SPAG16: variants seen among roughly 807,000 people sequenced by gnomAD.
SPAG16 encodes sperm-associated antigen 16 protein.
In SPAG16, 86 loss-of-function variants were observed where a neutral mutation model predicts 80.4. The ratio of observed to expected loss-of-function variants is 1.07; its 90% CI spans 0.90 to 1.28. SPAG16 has a LOEUF of 1.28. SPAG16 is among the 50% of genes most tolerant of loss of function. The pLI is 0.00. For missense variants in SPAG16, 870 were observed against 765.3 expected (o/e 1.14, Z -1.61); for synonymous variants, 294 against 265.9 (o/e 1.11, Z -1.03).
At chr2:214,215,482 C>T (rs1231951257) in intron 15 of SPAG16, among the ~76,000 whole-genome samples, 20 of 152,168 alleles carry the variant, frequency 1.3e-4, no homozygotes. Context: ...CTTATGGTCA[C>T]CTCCTTCTCC....
chr2:213,927,748 C>A (rs1028848212), intron 11 of SPAG16, among the ~76,000 whole-genome samples: 2 of 152,014 alleles, frequency 1.3e-5, no homozygotes, highest in African/African-American at 4.8e-5. Flanking sequence ...ACAAAATAAG[C>A]ATATAAAACT....
rs150415012 is a variant in SPAG16 at position 213,981,325 on chromosome 2, GA to G, written c.1401-32620del. Among the ~76,000 whole-genome samples, 954 of 152,146 alleles carry G rather than the reference GA, an allele frequency of 6.3e-3. 7 individuals carry two copies. Among genetic ancestry groups the G allele is most frequent in the African/African-American group, 0.022 (914 of 41,528 alleles). The stretch of plus-strand genomic sequence containing the variant: ...TTCAATTCATAGGACTTCCTATAAG[GA>G]AAAAATATAGTGCTTTGACTTTGGG... On this transcript the variant is annotated intron_variant, in intron 12 of 15. Coordinates refer to ENST00000331683, the MANE Select transcript of SPAG16 (RefSeq NM_024532.5).
At chr2:214,344,013 G>A (rs1912217) in intron 15 of SPAG16, among the ~76,000 whole-genome samples, 74,255 of 151,968 alleles carry the variant, frequency 0.49, 21,527 homozygotes, top group South Asian at 0.65. Flanking sequence ...CCTTAATAAT[G>A]ATGGGTGTCC....
intron 15 of SPAG16, chr2:214,241,440 T>G (rs1171540052): frequency 6.6e-6 from 1 of 152,042 alleles, no homozygotes; most frequent in Admixed American, 6.6e-5. Flanking sequence ...TGTCAGCTAG[T>G]CCAACATCAT....
At chr2:213,703,996 C>G (rs559084867) in intron 10 of SPAG16, among the ~76,000 whole-genome samples, 1 of 152,190 alleles carries the variant, frequency 6.6e-6, no homozygotes, top group Non-Finnish European at 1.5e-5. Context: ...GATCTACCTA[C>G]TTATTGAGAG....
At chr2:213,391,355 A>G (rs1010640703) in intron 9 of SPAG16, among the ~76,000 whole-genome samples, 2 of 152,238 alleles carry the variant, frequency 1.3e-5, no homozygotes, top group African/African-American at 4.8e-5. Flanking sequence ...TAAATTAACT[A>G]TCATAATCAA....
intron 10 of SPAG16, among the ~76,000 whole-genome samples, chr2:213,753,435 A>T (rs1485706108): frequency 6.6e-6 from 1 of 152,260 alleles, no homozygotes; most frequent in Non-Finnish European, 1.5e-5. Context: ...TTATGGTTCT[A>T]TAAGATATTT....
intron 7 of SPAG16, 107 bp from the exon 8 acceptor site, chr2:213,363,967 GAT>G (rs2066137720): frequency 2.6e-6 from 1 of 388,102 alleles, no homozygotes; most frequent in Non-Finnish European, 4.5e-6. Flanking sequence ...ATTTAAAAGA[GAT>G]TAATATTTTT....
chr2:214,258,417 C>T (rs544771315), intron 15 of SPAG16, among the ~76,000 whole-genome samples: 4 of 150,390 alleles, frequency 2.7e-5, no homozygotes, highest in Non-Finnish European at 4.4e-5. Flanking sequence ...GCCATTATTT[C>T]GTTCTTTTTT....
intron 10 of SPAG16, among the ~76,000 whole-genome samples, chr2:213,726,640 G>A (rs2066781529): frequency 1.3e-5 from 2 of 152,190 alleles, no homozygotes; most frequent in Admixed American, 6.5e-5. Flanking sequence ...TCTTGAATTG[G>A]TATTTGGCAT....
At chr2:214,388,154 T>C (rs1434850153) in intron 15 of SPAG16, among the ~76,000 whole-genome samples, 1 of 152,038 alleles carries the variant, frequency 6.6e-6, no homozygotes, top group Non-Finnish European at 1.5e-5. Flanking sequence ...CCAGATCTAC[T>C]GACCTGGAAA....
chr2:213,727,298 T>C (rs2066811856), intron 10 of SPAG16, among the ~76,000 whole-genome samples: 1 of 152,154 alleles, frequency 6.6e-6, no homozygotes, highest in Non-Finnish European at 1.5e-5. Context: ...TGGAGATTAA[T>C]TCTGCAGAAG....
At chr2:213,525,641 G>A (rs2075862062) in intron 10 of SPAG16, among the ~76,000 whole-genome samples, 1 of 152,072 alleles carries the variant, frequency 6.6e-6, no homozygotes, top group South Asian at 2.1e-4. Flanking sequence ...TTTATTAGCA[G>A]TGTGAGAATG....
At position 214,165,469 on chromosome 2, in the gene SPAG16, CTTTTTTTTTTTTTTTTT is replaced by C. The variant is rs67726428; in HGVS notation, c.1720+16224_1720+16240del. ...TTTAAAAATGCTTTGCATCACCATC[CTTTTTTTTTTTTTTTTT>C]TTTTTTTTTTTTTTTTTTTTGCCAA... is the stretch of plus-strand genomic sequence containing the variant. On this transcript the variant is annotated intron_variant, in intron 15 of 15. Transcript: ENST00000331683. Among the ~76,000 whole-genome samples, 119 of 37,850 alleles carry C rather than the reference CTTTTTTTTTTTTTTTTT, an allele frequency of 3.1e-3. 1 individual carries two copies. Among genetic ancestry groups the C allele is most frequent in the African/African-American group, 0.014 (101 of 7,168 alleles). The allele number at this position is 37,850 out of a possible 152,430, so 24.8% of individuals were successfully genotyped here. A position where few individuals can be genotyped will look rare whatever the true frequency, so the allele number is the denominator to read the frequency against.
chr2:214,393,307 A>T (rs938618081), intron 15 of SPAG16, among the ~76,000 whole-genome samples: 5 of 152,212 alleles, frequency 3.3e-5, no homozygotes, highest in Non-Finnish European at 5.9e-5. Flanking sequence ...CCTGAAGGAA[A>T]TATACAAAAT....
At chr2:213,683,674 G>A (rs1037430938) in intron 10 of SPAG16, among the ~76,000 whole-genome samples, 2 of 151,732 alleles carry the variant, frequency 1.3e-5, no homozygotes, top group Non-Finnish European at 2.9e-5. Context: ...CAAGTTAAGG[G>A]TGAATGCCAA....
intron 12 of SPAG16, among the ~76,000 whole-genome samples, chr2:213,994,252 G>A (rs2046411523): frequency 6.6e-6 from 1 of 152,052 alleles, no homozygotes; most frequent in Non-Finnish European, 1.5e-5. Flanking sequence ...AAGGTAACGT[G>A]CCCTAATGTA....
At chr2:213,869,730 C>A (rs901925074) in intron 11 of SPAG16, among the ~76,000 whole-genome samples, 1 of 150,424 alleles carries the variant, frequency 6.6e-6, no homozygotes, top group Non-Finnish European at 1.5e-5. Context: ...ATATTTCTCA[C>A]AGTCCTACAA....
intron 5 of SPAG16, among the ~76,000 whole-genome samples, chr2:213,337,343 C>G (rs781248915): frequency 6.6e-6 from 1 of 152,168 alleles, no homozygotes; most frequent in Non-Finnish European, 1.5e-5. Context: ...ATGTCTCCAG[C>G]AAAGGCACAG....
Sources: gnomAD v4.1 joint callset for allele counts (sites outside exome capture counted in the v4.1 genomes callset) on GRCh38, gnomAD v4.1.1 for gene constraint, MANE v1.5 for transcripts, NCBI Gene and HGNC (gene_info 2026-07-23, HGNC 2026-07-21) for gene names.